SNX31: variants seen among roughly 807,000 people sequenced by gnomAD.
The protein encoded by SNX31 is sorting nexin 31.
Under a neutral mutation model 65.4 loss-of-function variants are expected in SNX31, and 58 were observed. The ratio of observed to expected loss-of-function variants is 0.89; its 90% CI spans 0.72 to 1.10. The LOEUF (loss-of-function observed/expected upper bound fraction) is 1.10, where lower values mean the gene tolerates loss of function less well. Among genes scored for constraint, SNX31 ranks in the 50% least tolerant of loss-of-function variants. The probability of loss-of-function intolerance (pLI) is 0.00; values close to 1 mark genes in which losing one functional copy is unlikely to be tolerated. For missense variants in SNX31, 523 were observed against 529.7 expected (o/e 0.99, Z 0.12); for synonymous variants, 181 against 190.1 (o/e 0.95, Z 0.39).
chr8:100,595,538 T>A (rs1017539208), intron 10 of SNX31, among the ~76,000 whole-genome samples: 5 of 152,064 alleles, frequency 3.3e-5, no homozygotes, highest in African/African-American at 1.2e-4. Context: ...AGGGAGACTT[T>A]TGAGGGACAG....
intron 9 of SNX31, 34 bp from the exon 10 acceptor site, chr8:100,596,876 G>T (rs1204291796): frequency 6.3e-7 from 1 of 1,596,948 alleles, no homozygotes; most frequent in East Asian, 2.2e-5. Context: ...GGGGAGGGGA[G>T]GCAAGAGGAA....
chr8:100,599,179 A>G (rs1483640356), intron 9 of SNX31, among the ~76,000 whole-genome samples: 1 of 152,256 alleles, frequency 6.6e-6, no homozygotes, highest in East Asian at 1.9e-4. Flanking sequence ...TTAAAATAGC[A>G]TTATTACAAA....
At chr8:100,659,239 G>A (rs767588801) in intron 1 of SNX31, among the ~76,000 whole-genome samples, 2 of 151,684 alleles carry the variant, frequency 1.3e-5, no homozygotes, top group East Asian at 1.9e-4. Context: ...CTAGCTACTC[G>A]GGAGGCTGAC....
Position 100,645,606 on chromosome 8 carries a change from A to AT in SNX31, c.141+3667dup, listed in dbSNP as rs10598981. ...TCTAGCAACCCTACTCAGACTCTTC[A>AT]TTTTTTTTTTTTTTTTTTTTTTTGA... On this transcript the variant is annotated intron_variant, in intron 2 of 13. Transcript: ENST00000311812. 1.0e-2 allele frequency among the ~76,000 whole-genome samples: 1,062 copies of AT among 106,676 alleles called. 20 individuals carry two copies. Among genetic ancestry groups the AT allele is most frequent in the Middle Eastern group, 0.016 (3 of 192 alleles). 70.0% of individuals were successfully genotyped at this position (106,676 alleles called of 152,430 possible). A position where few individuals can be genotyped will look rare whatever the true frequency, so the allele number is the denominator to read the frequency against.
At chr8:100,583,427 A>G (rs571267107) in intron 12 of SNX31, among the ~76,000 whole-genome samples, 39 of 150,790 alleles carry the variant, frequency 2.6e-4, no homozygotes, top group Admixed American at 1.4e-3. Flanking sequence ...ATTTCTAATC[A>G]TTTAAAAAAA....
intron 7 of SNX31, 65 bp from the exon 8 acceptor site, chr8:100,608,628 C>T: frequency 2.0e-6 from 3 of 1,528,312 alleles, no homozygotes; most frequent in Non-Finnish European, 2.7e-6. Context: ...CTGGCAAGTG[C>T]TTTGGAAAGT....
At chr8:100,611,309 A>C (rs913953764) in intron 7 of SNX31, among the ~76,000 whole-genome samples, 2 of 152,104 alleles carry the variant, frequency 1.3e-5, no homozygotes, top group African/African-American at 4.8e-5. Flanking sequence ...TGCAAAGCAA[A>C]CCCAAGGCCA....
At position 100,576,966 on chromosome 8, in the gene SNX31, G is replaced by A. The variant is rs1017802843; in HGVS notation, c.1227+53C>T. On this transcript the variant is annotated intron_variant, in intron 13 of 13. Coordinates refer to ENST00000311812, the MANE Select transcript of SNX31 (RefSeq NM_152628.4). The surrounding 1 kb of genome is among the most constrained non-coding windows in gnomAD (Gnocchi z 4.8). ...ATGACTTTGGTTAAAGAGGAAAAAA[G>A]ATCAGATTTATCAAAATTATAATGT... The A allele has an allele frequency of 9.3e-5, 132 of 1,418,224 alleles. 2 individuals are homozygous for A. Among genetic ancestry groups the A allele is most frequent in the South Asian group, 9.2e-4 (76 of 82,726 alleles). 87.9% of individuals were successfully genotyped at this position (1,418,224 alleles called of 1,614,324 possible). A position where few individuals can be genotyped will look rare whatever the true frequency, so the allele number is the denominator to read the frequency against.
intron 1 of SNX31, among the ~76,000 whole-genome samples, chr8:100,661,577 C>G (rs888403287): frequency 2.0e-5 from 3 of 152,126 alleles, no homozygotes; most frequent in African/African-American, 7.2e-5. Flanking sequence ...GGGTCTCACT[C>G]TGTCACCCAG....
chr8:100,644,775 G>A (rs1373465315), intron 2 of SNX31, among the ~76,000 whole-genome samples: 1 of 152,198 alleles, frequency 6.6e-6, no homozygotes, highest in Admixed American at 6.5e-5. Flanking sequence ...AGCAATTCTC[G>A]TGCCTCATTC....
rs1260850692 is a variant in SNX31 at position 100,578,748 on chromosome 8, G to A, written c.1171-1673C>T. Among the ~76,000 whole-genome samples, 1 of 144,978 alleles carries A rather than the reference G, an allele frequency of 6.9e-6. No homozygotes were observed. Among genetic ancestry groups the A allele is most frequent in the Admixed American group, 6.7e-5 (1 of 14,846 alleles). ...TATTTTATTATTATTTTGAGACAGA[G>A]TCTCGCTGTGTTGCCCAGGCTAGAG... On this transcript the variant is annotated intron_variant, in intron 12 of 13. Transcript: ENST00000311812. This position sits in a 1 kb window ranked among gnomAD's most constrained non-coding sequence, Gnocchi z 4.7.
rs562560155 is a variant in SNX31 at position 100,584,752 on chromosome 8, T to C, written c.1093-564A>G. On this transcript the variant is annotated intron_variant, in intron 11 of 13. Coordinates refer to ENST00000311812, the MANE Select transcript of SNX31 (RefSeq NM_152628.4). ...CTTATTTTTCTTTTTCTTTTTCTTT[T>C]TTTTTTTTTTTTCTCTGAGACAGTC... is the stretch of plus-strand genomic sequence containing the variant. 2.3e-3 allele frequency among the ~76,000 whole-genome samples: 350 copies of C among 150,100 alleles called. 1 individual carries two copies. Among genetic ancestry groups the C allele is most frequent in the South Asian group, 8.2e-3 (39 of 4,744 alleles).
intron 1 of SNX31, among the ~76,000 whole-genome samples, chr8:100,657,075 A>G (rs1428571836): frequency 6.6e-6 from 1 of 152,240 alleles, no homozygotes; most frequent in South Asian, 2.1e-4. Context: ...CTTACAGTAA[A>G]TTAATATTTT....
At chr8:100,654,495 T>A (rs1037028516), upstream of SNX31, among the ~76,000 whole-genome samples, 1 of 152,206 alleles carries the variant, frequency 6.6e-6, no homozygotes, top group Admixed American at 6.5e-5. Flanking sequence ...CAGTCTGTAC[T>A]TACTCATTTG....
chr8:100,573,898 G>T lies in SNX31; in HGVS notation c.1290C>A (p.Cys430Ter). 6.3e-7 allele frequency: 1 copy of T among 1,585,368 alleles called. No individual in the cohort carries two copies. The highest frequency in any genetic ancestry group is 8.6e-7 in the Non-Finnish European group (1 of 1,166,494). Reference sequence around the variant, plus strand: ...CTTCTTCCTTTATGTTCCCAAAAACGCAGTCATCTTTAGCTATCTTAATCT... The same window carrying T: ...CTTCTTCCTTTATGTTCCCAAAAACTCAGTCATCTTTAGCTATCTTAATCT... ...KSKIKIAKDD[C>*]VFGNIKEEDL The change falls in exon 14 of 14, where the codon TGC becomes TGA. Residue 430 changes from cysteine to a stop codon, truncating the protein, a stop_gained. Transcript: ENST00000311812. LOFTEE classifies it high-confidence loss of function.
intron 12 of SNX31, among the ~76,000 whole-genome samples, chr8:100,579,769 C>G (rs555848364): frequency 6.6e-6 from 1 of 152,266 alleles, no homozygotes; most frequent in South Asian, 2.1e-4. Flanking sequence ...CCATCTTGTT[C>G]TTCGCCATTT....
chr8:100,658,397 G>A (rs1809707019), intron 1 of SNX31, among the ~76,000 whole-genome samples: 1 of 152,212 alleles, frequency 6.6e-6, no homozygotes, highest in East Asian at 1.9e-4. Flanking sequence ...CAGAATGAAA[G>A]TTCATTTCTT....
intron 2 of SNX31, among the ~76,000 whole-genome samples, chr8:100,642,534 C>T (rs908511612): frequency 6.6e-6 from 1 of 152,214 alleles, no homozygotes; most frequent in Non-Finnish European, 1.5e-5. Context: ...CAGGTTTTTA[C>T]AACCTGAGCT....
At chr8:100,662,651 C>T (rs562238614) in intron 1 of SNX31, among the ~76,000 whole-genome samples, 5 of 152,248 alleles carry the variant, frequency 3.3e-5, no homozygotes, top group East Asian at 1.9e-4. Flanking sequence ...GAGCCAAGAT[C>T]GCGCCACTGC....
Sources: allele counts gnomAD v4.1 joint callset (sites outside exome capture counted in the v4.1 genomes callset), GRCh38; gene constraint gnomAD v4.1.1; non-coding constraint Gnocchi (gnomAD v3.1); transcripts MANE v1.5; gene names NCBI Gene and HGNC (gene_info 2026-07-23, HGNC 2026-07-21).